RIPOR3: variants seen among roughly 807,000 people sequenced by gnomAD.
The protein encoded by RIPOR3 is RIPOR family member 3.
In RIPOR3, 95 loss-of-function variants were observed where a neutral mutation model predicts 114.3. That is an observed-to-expected ratio of 0.83 (90% confidence interval 0.70 to 0.99). The LOEUF (loss-of-function observed/expected upper bound fraction) is 0.99. Ranked by LOEUF, RIPOR3 falls within the 50% of genes least tolerant of loss-of-function variation. RIPOR3 has a pLI of 0.00. For synonymous variants in RIPOR3, 575 were observed against 543.8 expected, an observed-to-expected ratio of 1.06 and a Z score of -0.80; for missense variants, 1,252 against 1,266.9, an observed-to-expected ratio of 0.99 and a Z score of 0.18.
chr20:50,655,105 C>T (rs1309407869), intron 1 of RIPOR3, among the ~76,000 whole-genome samples: 1 of 152,234 alleles, frequency 6.6e-6, no homozygotes, highest in Non-Finnish European at 1.5e-5. Context: ...CCCTGGGTAG[C>T]GAAGCTCCCG....
chr20:50,611,284 C>G, intron 4 of RIPOR3, 80 bp from the exon 5 acceptor site: 3 of 1,590,642 alleles, frequency 1.9e-6, no homozygotes, highest in Non-Finnish European at 2.6e-6. Flanking sequence ...TCTATGCTGG[C>G]GGCGCCTGAG....
At chr20:50,666,181 C>CCTTTTCTTTTCTTTTCTTTTCTCTT (rs1600720832) in intron 1 of RIPOR3, among the ~76,000 whole-genome samples, 1 of 14,926 alleles carries the variant, frequency 6.7e-5, no homozygotes, top group African/African-American at 9.2e-5. Flanking sequence ...GAAAGGACAC[C>CCTTTTCTTTTCTTTTCTTTTCTCTT]CATTTCTTTT....
intron 20 of RIPOR3, among the ~76,000 whole-genome samples, chr20:50,589,126 C>T (rs2083027923): frequency 6.8e-6 from 1 of 147,000 alleles, no homozygotes; most frequent in Non-Finnish European, 1.5e-5. Context: ...TAAAGTGCTG[C>T]CAGTCTAACA....
intron 1 of RIPOR3, among the ~76,000 whole-genome samples, chr20:50,677,510 G>T (rs191155005): frequency 5.3e-5 from 8 of 150,626 alleles, no homozygotes; most frequent in Admixed American, 5.3e-4. Context: ...TAGCTGGGAT[G>T]ACAGACACAC....
rs767999200 is a variant in RIPOR3 at position 50,587,234 on chromosome 20, A to T, written c.2851T>A (p.Ter951LysextTer27). Residue 951 changes from the stop codon to lysine, a stop_lost, in exon 22 of 22, where the codon TAA becomes AAA. Transcript: ENST00000327979. The stretch of plus-strand genomic sequence containing the variant: ...TTGTGCTCATCAGCCAGGATTTTTT[A>T]AAATATTGTGATTTCAACATCTGCC... ...QEADVEITIF[*>K] is the part of the protein sequence containing the mutation. 1.5e-5 allele frequency: 25 copies of T among 1,613,270 alleles called. No homozygotes were observed. In the South Asian group the frequency reaches 2.7e-4, roughly 18 times the overall value.
chr20:50,675,878 G>A (rs927956240), intron 1 of RIPOR3, among the ~76,000 whole-genome samples: 1 of 152,174 alleles, frequency 6.6e-6, no homozygotes, highest in Non-Finnish European at 1.5e-5. Context: ...AACGGCAGAC[G>A]GGGCAGGAGA....
At chr20:50,686,158 G>A (rs1160554238) in intron 1 of RIPOR3, among the ~76,000 whole-genome samples, 1 of 151,898 alleles carries the variant, frequency 6.6e-6, no homozygotes, top group African/African-American at 2.4e-5. Flanking sequence ...CCGGGTTCAC[G>A]CCATTCTCCT....
chr20:50,661,267 G>A (rs563470099), intron 1 of RIPOR3, among the ~76,000 whole-genome samples: 73 of 151,586 alleles, frequency 4.8e-4, no homozygotes, highest in Middle Eastern at 3.4e-3. Flanking sequence ...TAGGGACACA[G>A]TTTCACTATG....
chr20:50,664,214 A>AC (rs1311676562), intron 1 of RIPOR3, among the ~76,000 whole-genome samples: 1 of 152,218 alleles, frequency 6.6e-6, no homozygotes, highest in Non-Finnish European at 1.5e-5. Flanking sequence ...GGCGTGAGCC[A>AC]CCGCACCTGG....
At chr20:50,587,397 C>T (rs941892495) in intron 21 of RIPOR3, 65 bp from the exon 22 acceptor site, 1 of 1,386,874 alleles carries the variant, frequency 7.2e-7, no homozygotes, top group Non-Finnish European at 1.0e-6. Flanking sequence ...CTCTCCTGGG[C>T]CAGGGTGGCC....
intron 1 of RIPOR3, among the ~76,000 whole-genome samples, chr20:50,666,212 C>CTTTTCTTTTCTTTTCTTTTCTTTT (rs1568944934): frequency 9.2e-6 from 1 of 108,392 alleles, no homozygotes; most frequent in African/African-American, 4.5e-5. Flanking sequence ...CTTTTCTTTT[C>CTTTTCTTTTCTTTTCTTTTCTTTT]TTTTCTTTTC....
chr20:50,589,689 G>C lies in RIPOR3; in HGVS notation c.2658C>G (p.Leu886=), dbSNP rs1264192536. The change falls in exon 20 of 22, where the codon CTC becomes CTG. Residue 886 remains leucine (L), a synonymous_variant. Coordinates refer to ENST00000327979, the MANE Select transcript of RIPOR3 (RefSeq NM_001290268.2). Reference sequence around the variant, plus strand: ...AATGGGGAAACGTCAGGCTCACCTTGAGGTGTTTGAGCGCTAGGCATGCGG... The same window carrying C: ...AATGGGGAAACGTCAGGCTCACCTTCAGGTGTTTGAGCGCTAGGCATGCGG... ...QQAACLALKH[L]KGIESIDQTA... is the part of the protein sequence containing the mutation. The C allele has an allele frequency of 2.5e-6, 4 of 1,613,586 alleles. No individual in the cohort carries two copies. The South Asian group carries it at 3.3e-5, about 13-fold the overall frequency.
chr20:50,635,560 G>A (rs1361742879), intron 1 of RIPOR3, among the ~76,000 whole-genome samples: 8 of 152,076 alleles, frequency 5.3e-5, no homozygotes, highest in African/African-American at 1.9e-4. Context: ...AGGCTGAGGT[G>A]GGAGGATCAT....
At chr20:50,590,884 G>A (rs1025434223) in intron 19 of RIPOR3, among the ~76,000 whole-genome samples, 7 of 149,924 alleles carry the variant, frequency 4.7e-5, no homozygotes, top group South Asian at 2.1e-4. Context: ...GCACAATCTC[G>A]GCTCCCTGCA....
intron 18 of RIPOR3, 79 bp from the exon 19 acceptor site, chr20:50,592,625 G>C: frequency 7.8e-7 from 1 of 1,275,868 alleles, no homozygotes; most frequent in Non-Finnish European, 1.0e-6. Context: ...CTTGGCTGCT[G>C]CCAGTAGCCA....
At chr20:50,640,841 T>A (rs1330725176) in intron 1 of RIPOR3, among the ~76,000 whole-genome samples, 1 of 151,888 alleles carries the variant, frequency 6.6e-6, no homozygotes. Context: ...GTTCTTTAGG[T>A]CAAAGAAAAT....
At chr20:50,612,136 A>AG (rs2084000856) in intron 4 of RIPOR3, among the ~76,000 whole-genome samples, 1 of 151,896 alleles carries the variant, frequency 6.6e-6, no homozygotes, top group South Asian at 2.1e-4. Context: ...AAAAAAAAAA[A>AG]AAAAGAAAAA....
chr20:50,597,605 G>T lies in RIPOR3; in HGVS notation c.1765C>A (p.Leu589Met). 1 of 1,609,914 alleles carries T rather than the reference G, an allele frequency of 6.2e-7. No individual in the cohort carries two copies. Residue 589 changes from leucine to methionine, a missense_variant, in exon 14 of 22, where the codon CTG (leucine) becomes ATG (methionine). By Grantham distance (15) the Leu-to-Met change is conservative. Coordinates refer to ENST00000327979, the MANE Select transcript of RIPOR3 (RefSeq NM_001290268.2). Reference sequence around the variant, plus strand: ...CGGAGACCCTGGGAGCCCCCAAACAGGGACAGCTCATCCAGGGCGAAGTCG... The same window carrying T: ...CGGAGACCCTGGGAGCCCCCAAACATGGACAGCTCATCCAGGGCGAAGTCG... ...NADFALDELS[L>M]FGGSQGLRKD...
intron 17 of RIPOR3, 82 bp downstream of exon 17, chr20:50,594,471 C>T (rs892352072): frequency 1.3e-5 from 20 of 1,501,782 alleles, no homozygotes; most frequent in Non-Finnish European, 1.8e-5. Context: ...TGAAATGAGG[C>T]CAGCTGTGGC....
Sources: gnomAD v4.1 joint callset for allele counts (sites outside exome capture counted in the v4.1 genomes callset) on GRCh38, gnomAD v4.1.1 for gene constraint, MANE v1.5 for transcripts, NCBI Gene and HGNC (gene_info 2026-07-23, HGNC 2026-07-21) for gene names.